CAMK2D: variants seen among roughly 807,000 people sequenced by gnomAD.
The protein encoded by CAMK2D is calcium/calmodulin dependent protein kinase II delta.
Under a neutral mutation model 84.0 loss-of-function variants are expected in CAMK2D, and 37 were observed. The observed-to-expected ratio is 0.44, with a 90% CI of 0.34 to 0.58. CAMK2D has a LOEUF of 0.58. CAMK2D is among the 20% of genes least tolerant of loss of function. The probability of loss-of-function intolerance (pLI) is 0.02; values close to 1 mark genes in which losing one functional copy is unlikely to be tolerated. For missense variants in CAMK2D, 448 were observed against 652.5 expected, an observed-to-expected ratio of 0.69 and a Z score of 3.41; for synonymous variants, 202 against 212.5, an observed-to-expected ratio of 0.95 and a Z score of 0.43.
chr4:113,487,304 A>G (rs2097774901), intron 16 of CAMK2D, among the ~76,000 whole-genome samples: 1 of 152,126 alleles, frequency 6.6e-6, no homozygotes, highest in Non-Finnish European at 1.5e-5. Context: ...ATAGCAGAAA[A>G]TAAAATTAGG....
intron 2 of CAMK2D, among the ~76,000 whole-genome samples, chr4:113,665,698 T>C (rs978118066): frequency 2.6e-5 from 4 of 152,262 alleles, no homozygotes; most frequent in Non-Finnish European, 5.9e-5. Context: ...CCTTGAACTA[T>C]AATAGTTTGG....
chr4:113,712,659 AT>A (rs200006136), intron 2 of CAMK2D, among the ~76,000 whole-genome samples: 1,551 of 152,040 alleles, frequency 0.01, 15 homozygotes, highest in African/African-American at 0.033. Flanking sequence ...AATACTTTGA[AT>A]TTTTTTTAAT....
At chr4:113,622,141 C>A (rs1489972800) in intron 3 of CAMK2D, among the ~76,000 whole-genome samples, 2 of 152,136 alleles carry the variant, frequency 1.3e-5, no homozygotes, top group African/African-American at 2.4e-5. Context: ...GTCTTTGCCT[C>A]AAATCCATTA....
At chr4:113,508,253 A>G in intron 13 of CAMK2D, 1 of 1,550,082 alleles carries the variant, frequency 6.5e-7, no homozygotes, top group Non-Finnish European at 8.7e-7. Context: ...TGAACACTCG[A>G]ACTGGACTTC....
At chr4:113,713,615 T>C (rs1211227717) in intron 2 of CAMK2D, among the ~76,000 whole-genome samples, 1 of 150,390 alleles carries the variant, frequency 6.6e-6, no homozygotes, top group African/African-American at 2.4e-5. Context: ...GACTCTCTTT[T>C]TGTCAACCTG....
intron 4 of CAMK2D, among the ~76,000 whole-genome samples, chr4:113,600,638 C>T (rs2098947775): frequency 6.6e-6 from 1 of 151,870 alleles, no homozygotes; most frequent in Non-Finnish European, 1.5e-5. Flanking sequence ...ATAATAATTA[C>T]CATTTTTATT....
chr4:113,467,192 C>T lies in CAMK2D; in HGVS notation c.1136-1588G>A, dbSNP rs575591742. 1.5e-3 allele frequency among the ~76,000 whole-genome samples: 232 copies of T among 152,320 alleles called. 4 individuals are homozygous for T. The highest frequency in any genetic ancestry group is 5.9e-4 in the Admixed American group (9 of 15,300). On this transcript the variant is annotated intron_variant, in intron 16 of 20. Coordinates refer to ENST00000511664, the MANE Select transcript of CAMK2D (RefSeq NM_001321571.2). ...ATAGACTGGGAATCACAAAATGTTACTTCCCATCTTATCTTACTGAGGTAG... is the reference window on the plus strand; with the variant it reads ...ATAGACTGGGAATCACAAAATGTTATTTCCCATCTTATCTTACTGAGGTAG...
chr4:113,537,532 G>A, intron 6 of CAMK2D, 89 bp from the exon 7 acceptor site: 3 of 754,412 alleles, frequency 4.0e-6, no homozygotes, highest in Non-Finnish European at 6.7e-6. Flanking sequence ...AGGATTAGGG[G>A]GAAAAAATTC....
At chr4:113,747,332 A>C (rs2099606888) in intron 2 of CAMK2D, among the ~76,000 whole-genome samples, 1 of 145,570 alleles carries the variant, frequency 6.9e-6, no homozygotes, top group African/African-American at 2.5e-5. Flanking sequence ...ATTCAATAGG[A>C]AAAGCGTATG....
intron 4 of CAMK2D, among the ~76,000 whole-genome samples, chr4:113,563,283 A>G (rs1366666928): frequency 6.6e-6 from 1 of 152,130 alleles, no homozygotes; most frequent in Non-Finnish European, 1.5e-5. Flanking sequence ...AATAAAATGC[A>G]TTCTTACACA....
intron 3 of CAMK2D, among the ~76,000 whole-genome samples, chr4:113,646,950 T>C (rs1324020068): frequency 6.6e-6 from 1 of 152,202 alleles, no homozygotes; most frequent in Non-Finnish European, 1.5e-5. Context: ...CTCCAACCTA[T>C]TTATTATCTC....
chr4:113,726,886 G>T (rs1299183593), intron 2 of CAMK2D, among the ~76,000 whole-genome samples: 2 of 152,060 alleles, frequency 1.3e-5, no homozygotes, highest in African/African-American at 4.8e-5. Flanking sequence ...ATACAGTTCT[G>T]AAGTTTTAAC....
intron 2 of CAMK2D, among the ~76,000 whole-genome samples, chr4:113,688,122 A>G (rs1004598327): frequency 6.6e-6 from 1 of 152,206 alleles, no homozygotes; most frequent in Non-Finnish European, 1.5e-5. Context: ...CTGCCCTCCA[A>G]TGTAATCTAT....
intron 4 of CAMK2D, among the ~76,000 whole-genome samples, chr4:113,602,049 T>C (rs1249111877): frequency 6.6e-6 from 1 of 152,140 alleles, no homozygotes; most frequent in Non-Finnish European, 1.5e-5. Flanking sequence ...GACTCAGCTA[T>C]GTTCTATAAA....
chr4:113,474,732 C>T (rs79515430), intron 16 of CAMK2D, among the ~76,000 whole-genome samples: 9,252 of 151,110 alleles, frequency 0.061, 560 homozygotes, highest in East Asian at 0.21. Flanking sequence ...CTGCAACCTC[C>T]ACCTCCCGGG....
intron 8 of CAMK2D, among the ~76,000 whole-genome samples, chr4:113,527,355 G>T (rs951690048): frequency 6.6e-6 from 1 of 151,812 alleles, no homozygotes; most frequent in African/African-American, 2.4e-5. Flanking sequence ...TCCTGGGTTG[G>T]CCTCCCATAA....
intron 4 of CAMK2D, among the ~76,000 whole-genome samples, chr4:113,593,067 T>G (rs1367327564): frequency 6.6e-6 from 1 of 152,162 alleles, no homozygotes; most frequent in Non-Finnish European, 1.5e-5. Context: ...TTGGCCAGGC[T>G]GGTCTCCAAC....
chr4:113,559,322 A>C, intron 4 of CAMK2D, among the ~76,000 whole-genome samples: 1 of 152,236 alleles, frequency 6.6e-6, no homozygotes, highest in South Asian at 2.1e-4. Flanking sequence ...TCACTAGACT[A>C]AGTTTCAAAC....
intron 3 of CAMK2D, 30 bp from the exon 4 acceptor site, chr4:113,609,236 G>A (rs1242060814): frequency 3.3e-6 from 4 of 1,218,132 alleles, no homozygotes; most frequent in Non-Finnish European, 4.9e-6. Flanking sequence ...GAAAAATTGT[G>A]TTATACCTAT....
Sources: gnomAD v4.1 joint callset for allele counts (sites outside exome capture counted in the v4.1 genomes callset) on GRCh38, gnomAD v4.1.1 for gene constraint, MANE v1.5 for transcripts, NCBI Gene and HGNC (gene_info 2026-07-23, HGNC 2026-07-21) for gene names.